SEPTIN7: variants seen among roughly 807,000 people sequenced by gnomAD.
SEPTIN7 encodes septin-7.
A neutral mutation model predicts 63.3 loss-of-function variants in SEPTIN7; 10 were observed. That is an observed-to-expected ratio of 0.16 (90% confidence interval 0.10 to 0.27). The LOEUF is 0.27. SEPTIN7 is among the 10% of genes least tolerant of loss of function. The pLI is 1.00. For synonymous variants in SEPTIN7, 131 were observed against 165.3 expected (o/e 0.79, Z 1.59); for missense variants, 310 against 521.0 (o/e 0.59, Z 3.94).
At chr7:35,801,566 C>T (rs1352500602) in intron 1 of SEPTIN7, among the ~76,000 whole-genome samples, 2 of 151,966 alleles carry the variant, frequency 1.3e-5, no homozygotes, top group African/African-American at 2.4e-5. Context: ...GCCGGAGCAG[C>T]CTGAGCGTGG....
chr7:35,814,178 G>A (rs1178210807), intron 1 of SEPTIN7, among the ~76,000 whole-genome samples: 1 of 151,978 alleles, frequency 6.6e-6, no homozygotes, highest in African/African-American at 2.4e-5. Flanking sequence ...GTAGATGTAT[G>A]TTTAATTTTT....
At chr7:35,842,265 G>T (rs1394062306) in intron 3 of SEPTIN7, among the ~76,000 whole-genome samples, 2 of 151,428 alleles carry the variant, frequency 1.3e-5, no homozygotes, top group East Asian at 3.9e-4. Context: ...TTAAAGATTG[G>T]AAAGGTATAA....
intron 4 of SEPTIN7, among the ~76,000 whole-genome samples, chr7:35,870,170 C>T: frequency 6.6e-6 from 1 of 152,082 alleles, no homozygotes; most frequent in Middle Eastern, 3.2e-3. Context: ...TATGGATACA[C>T]AGAATTTTGT....
chr7:35,816,723 A>G (rs902799742), intron 1 of SEPTIN7, among the ~76,000 whole-genome samples: 2 of 152,138 alleles, frequency 1.3e-5, no homozygotes, highest in Non-Finnish European at 2.9e-5. Flanking sequence ...GTTTTTCCAC[A>G]TTCTTGTCCA....
At chr7:35,911,533 TGATCCCCTAAG>T (rs1583668625), downstream of SEPTIN7, among the ~76,000 whole-genome samples, 2 of 152,364 alleles carry the variant, frequency 1.3e-5, no homozygotes, top group East Asian at 3.9e-4. Context: ...CATTATTAAT[TGATCCCCTAAG>T]GGGATGTTTA....
chr7:35,891,325 T>C (rs1787628784), intron 11 of SEPTIN7, among the ~76,000 whole-genome samples: 4 of 152,324 alleles, frequency 2.6e-5, no homozygotes, highest in African/African-American at 9.6e-5. Context: ...GATACATTTC[T>C]GAGAAATGTG....
chr7:35,805,231 C>T (rs1436166405), intron 1 of SEPTIN7, among the ~76,000 whole-genome samples: 2 of 152,172 alleles, frequency 1.3e-5, no homozygotes, highest in Non-Finnish European at 2.9e-5. Context: ...GTACTATGAA[C>T]TTGTGACTGC....
chr7:35,833,207 C>T lies in SEPTIN7; in HGVS notation c.169+307C>T, dbSNP rs115299968. 2.7e-3 allele frequency among the ~76,000 whole-genome samples: 406 copies of T among 152,100 alleles called. 2 individuals carry two copies. Among genetic ancestry groups the T allele is most frequent in the African/African-American group, 9.4e-3 (389 of 41,560 alleles). ...GAAAATAGCATCTGGTGGTTACTTA[C>T]TACTCCAGGATAGTTTTGTTTTCTG... is the stretch of plus-strand genomic sequence containing the variant. On this transcript the variant is annotated intron_variant, in intron 3 of 13. Coordinates refer to ENST00000350320, the MANE Select transcript of SEPTIN7 (RefSeq NM_001788.6).
chr7:35,816,068 A>G lies in SEPTIN7; in HGVS notation c.61+14798A>G, dbSNP rs548366357. ...TAGTGTACAGTACATGCTTGTTTTT[A>G]TCACAGATTTATTGAGATAATTTAC... On this transcript the variant is annotated intron_variant, in intron 1 of 13. Coordinates refer to ENST00000350320, the MANE Select transcript of SEPTIN7 (RefSeq NM_001788.6). Among the ~76,000 whole-genome samples the G allele has an allele frequency of 2.2e-4, 33 of 152,240 alleles. No homozygotes were observed. The Middle Eastern group carries it at 0.014, about 63-fold the overall frequency.
chr7:35,874,006 G>GA (rs1253177881), intron 6 of SEPTIN7: 1 of 415,386 alleles, frequency 2.4e-6, no homozygotes, highest in African/African-American at 2.1e-5. Flanking sequence ...CCTGCTTCAT[G>GA]AAATAAACAG....
rs767209055 is a variant in SEPTIN7 at position 35,801,260 on chromosome 7, C to T, written c.51C>T (p.Ser17=). The T allele has an allele frequency of 6.6e-7, 1 of 1,519,778 alleles. No homozygotes were observed. The allele number at this position is 1,519,778 out of a possible 1,614,324, so 94.1% of individuals were successfully genotyped here. ...SAAAEERSVN[S]STMVAQQKNL... is the part of the protein sequence containing the mutation. ...CTGCTGAGGAGAGGAGCGTCAACAGCAGCACCATGGGTGAGTCTCAGCTTC... is the reference window on the plus strand; with the variant it reads ...CTGCTGAGGAGAGGAGCGTCAACAGTAGCACCATGGGTGAGTCTCAGCTTC... Residue 17 remains serine (S), a synonymous_variant, in exon 1 of 14, where the codon AGC becomes AGT. Transcript: ENST00000350320.
chr7:35,893,037 CA>C (rs1176922306), intron 11 of SEPTIN7, among the ~76,000 whole-genome samples: 2 of 152,076 alleles, frequency 1.3e-5, no homozygotes, highest in Non-Finnish European at 2.9e-5. Context: ...TTAGCAATTT[CA>C]AAAAATATTT....
intron 3 of SEPTIN7, chr7:35,847,173 C>G (rs535085232): frequency 1.3e-5 from 2 of 159,098 alleles, no homozygotes; most frequent in Non-Finnish European, 1.4e-5. Context: ...CTTGTGCACA[C>G]AGTCGTGCAG....
intron 11 of SEPTIN7, among the ~76,000 whole-genome samples, chr7:35,897,492 A>G (rs1055739900): frequency 5.9e-5 from 9 of 152,022 alleles, no homozygotes; most frequent in African/African-American, 1.9e-4. Context: ...ATGGACTTCA[A>G]CGTCAACAGA....
At chr7:35,909,069 T>C (rs1272910948), downstream of SEPTIN7, among the ~76,000 whole-genome samples, 1 of 152,194 alleles carries the variant, frequency 6.6e-6, no homozygotes, top group Non-Finnish European at 1.5e-5. Context: ...GTGAGCTGTT[T>C]TCCCTGCATT....
chr7:35,912,606 C>A, the SEPTIN7 span, among the ~76,000 whole-genome samples: 3 of 152,208 alleles, frequency 2.0e-5, no homozygotes, highest in African/African-American at 7.2e-5. Flanking sequence ...GTTAGAGTCT[C>A]CCCGACTGAG....
intron 6 of SEPTIN7, 49 bp from the exon 7 acceptor site, chr7:35,879,774 G>A (rs762724983): frequency 2.9e-6 from 3 of 1,019,974 alleles, no homozygotes; most frequent in South Asian, 2.7e-5. Flanking sequence ...GAAGAATCTT[G>A]TTCTCCCAAA....
At chr7:35,852,792 C>T (rs2116068620) in intron 3 of SEPTIN7, among the ~76,000 whole-genome samples, 1 of 152,220 alleles carries the variant, frequency 6.6e-6, no homozygotes, top group East Asian at 1.9e-4. Flanking sequence ...ATATGAGGTA[C>T]TTGACTTGAG....
chr7:35,822,462 C>T (rs890711446), intron 1 of SEPTIN7, among the ~76,000 whole-genome samples: 5 of 152,138 alleles, frequency 3.3e-5, no homozygotes, highest in African/African-American at 1.2e-4. Flanking sequence ...CTCATAAGGA[C>T]TGCGCAACCT....
Sources: gnomAD v4.1 joint callset for allele counts (sites outside exome capture counted in the v4.1 genomes callset) on GRCh38, gnomAD v4.1.1 for gene constraint, MANE v1.5 for transcripts, NCBI Gene and HGNC (gene_info 2026-07-23, HGNC 2026-07-21) for gene names.